Variants in PPARGC1A observed in about 807,000 individuals in gnomAD.
PPARGC1A encodes PPARG coactivator 1 alpha, also known as peroxisome proliferator-activated receptor gamma coactivator 1-alpha.
Under a neutral mutation model 88.7 loss-of-function variants are expected in PPARGC1A, and 25 were observed. The ratio of observed to expected loss-of-function variants is 0.28; its 90% confidence interval spans 0.21 to 0.39. The LOEUF (loss-of-function observed/expected upper bound fraction) is 0.39. Among genes scored for constraint, PPARGC1A ranks in the 10% least tolerant of loss-of-function variants. The probability of loss-of-function intolerance (pLI) is 1.00; values close to 1 mark genes in which losing one functional copy is unlikely to be tolerated. For synonymous variants in PPARGC1A, 363 were observed against 355.6 expected (o/e 1.02, Z -0.24); for missense variants, 880 against 968.7 (o/e 0.91, Z 1.22).
the PPARGC1A span, among the ~76,000 whole-genome samples, chr4:24,069,404 T>C: frequency 1.3e-5 from 2 of 152,222 alleles, no homozygotes; most frequent in East Asian, 1.9e-4. Flanking sequence ...AGGTTAAATA[T>C]GTGTTATTTC....
the PPARGC1A span, among the ~76,000 whole-genome samples, chr4:24,404,395 C>G: frequency 6.6e-6 from 1 of 151,972 alleles, no homozygotes; most frequent in African/African-American, 2.4e-5. Context: ...AGCAGAATAT[C>G]AGCGTACAGT....
chr4:23,979,907 C>T, the PPARGC1A span, among the ~76,000 whole-genome samples: 1 of 152,094 alleles, frequency 6.6e-6, no homozygotes, highest in Non-Finnish European at 1.5e-5. Context: ...CTCTGGAGAA[C>T]CATCCCTCTC....
At chr4:24,058,352 A>C in the PPARGC1A span, among the ~76,000 whole-genome samples, 1 of 152,230 alleles carries the variant, frequency 6.6e-6, no homozygotes, top group African/African-American at 2.4e-5. Context: ...ATGTTGGGGA[A>C]GGTTGAACTC....
At chr4:24,156,677 T>G in the PPARGC1A span, among the ~76,000 whole-genome samples, 7 of 152,056 alleles carry the variant, frequency 4.6e-5, no homozygotes, top group African/African-American at 1.7e-4. Flanking sequence ...CTCCTCTTTA[T>G]CATTCTAAAT....
chr4:24,327,996 T>G, the PPARGC1A span, among the ~76,000 whole-genome samples: 2 of 152,050 alleles, frequency 1.3e-5, no homozygotes, highest in African/African-American at 2.4e-5. Context: ...GCTCCCCCAC[T>G]GAGCACCTTG....
chr4:24,227,690 C>T, the PPARGC1A span, among the ~76,000 whole-genome samples: 1 of 152,290 alleles, frequency 6.6e-6, no homozygotes, highest in South Asian at 2.1e-4. Context: ...AGCATCCCCT[C>T]ACCTCCAACC....
At position 23,845,289 on chromosome 4, in the gene PPARGC1A, T is replaced by G. The variant is rs569975946; in HGVS notation, c.235-13538A>C. On this transcript the variant is annotated intron_variant, in intron 2 of 12. Transcript: ENST00000264867. Reference sequence around the variant, plus strand: ...CCTGTGAGTTCTCTATAAGATAGTATATTTGCTGACAAAAAGAAGTGCTTA... The same window carrying G: ...CCTGTGAGTTCTCTATAAGATAGTAGATTTGCTGACAAAAAGAAGTGCTTA... Among the ~76,000 whole-genome samples, 10 of 152,234 alleles carry G rather than the reference T, an allele frequency of 6.6e-5. No homozygotes were observed. In the South Asian group the frequency reaches 2.1e-3, roughly 32 times the overall value.
the PPARGC1A span, among the ~76,000 whole-genome samples, chr4:23,966,902 G>T: frequency 5.9e-5 from 9 of 152,094 alleles, no homozygotes; most frequent in African/African-American, 1.9e-4. Flanking sequence ...TTCTCATCAC[G>T]CCATACTGCC....
upstream of PPARGC1A, among the ~76,000 whole-genome samples, chr4:23,890,750 T>G (rs547985872): frequency 5.3e-5 from 8 of 152,164 alleles, no homozygotes; most frequent in South Asian, 1.7e-3. Context: ...GCAGTTTTCT[T>G]TGCTCCATAT....
the PPARGC1A span, among the ~76,000 whole-genome samples, chr4:24,147,030 T>G: frequency 6.6e-6 from 1 of 152,168 alleles, no homozygotes; most frequent in Non-Finnish European, 1.5e-5. Flanking sequence ...CATAAAGACT[T>G]GCTCAGTCTT....
At chr4:23,825,633 C>T (rs1255988876) in intron 5 of PPARGC1A, among the ~76,000 whole-genome samples, 3 of 151,966 alleles carry the variant, frequency 2.0e-5, no homozygotes, top group Admixed American at 2.0e-4. Flanking sequence ...TTAATCAACC[C>T]CAGCAATCAA....
the PPARGC1A span, among the ~76,000 whole-genome samples, chr4:24,350,327 T>C: frequency 6.6e-6 from 1 of 152,204 alleles, no homozygotes; most frequent in Admixed American, 6.5e-5. Context: ...GTTGGTACAT[T>C]TTGAACCAGT....
At chr4:24,197,435 G>T in the PPARGC1A span, among the ~76,000 whole-genome samples, 65 of 152,294 alleles carry the variant, frequency 4.3e-4, 1 homozygote, top group South Asian at 0.013. Context: ...CAGAGGAAAA[G>T]GGCCTCTCTC....
the PPARGC1A span, among the ~76,000 whole-genome samples, chr4:24,155,096 T>G: frequency 2.0e-5 from 3 of 149,582 alleles, no homozygotes; most frequent in Admixed American, 6.6e-5. Flanking sequence ...TGGCCTTATG[T>G]GACTTTCTCT....
chr4:24,001,090 T>C, the PPARGC1A span, among the ~76,000 whole-genome samples: 1 of 152,222 alleles, frequency 6.6e-6, no homozygotes, highest in African/African-American at 2.4e-5. Flanking sequence ...GGCATGTTTT[T>C]CTTTTTAAAA....
Position 23,812,800 on chromosome 4 carries a change from T to G in PPARGC1A, c.1966A>C (p.Lys656Gln). Residue 656 changes from lysine to glutamine, a missense_variant, in exon 10 of 13, where the codon AAG (lysine) becomes CAG (glutamine). Physicochemically the swap from Lys to Gln is moderately conservative, Grantham distance 53. Transcript: ENST00000264867. ...TGCTTGGCCCTCTCAGACTCTCGCT[T>G]CTCATACTCTCTGCGATATTCTTCC... is the stretch of plus-strand genomic sequence containing the variant. ...KREEYRREYE[K>Q]RESERAKQRE... The G allele has an allele frequency of 6.2e-7, 1 of 1,613,992 alleles. No individual in the cohort carries two copies. Among genetic ancestry groups the G allele is most frequent in the African/African-American group, 1.3e-5 (1 of 75,026 alleles).
In PPARGC1A at chr4:23,813,139, G is replaced by T; in HGVS notation, c.1794-14C>A. ...TAATAGCAGGATCTGCGCCAGAGGA[G>T]AAAAGCAAAAAGGGCATTTGCAACT... On this transcript the variant is annotated splice_polypyrimidine_tract_variant and intron_variant, in intron 8 of 12. Coordinates refer to ENST00000264867, the MANE Select transcript of PPARGC1A (RefSeq NM_013261.5). 1 of 1,609,756 alleles carries T rather than the reference G, an allele frequency of 6.2e-7. No homozygotes were observed. Among genetic ancestry groups the T allele is most frequent in the South Asian group, 1.1e-5 (1 of 90,456 alleles).
intron 7 of PPARGC1A, among the ~76,000 whole-genome samples, chr4:23,821,519 T>C (rs999316975): frequency 6.6e-6 from 1 of 151,814 alleles, no homozygotes; most frequent in African/African-American, 2.4e-5. Context: ...ACTTCATATA[T>C]GAGATTGCCA....
At chr4:23,896,138 T>C (rs1718573938) in intron 1 of PPARGC1A, among the ~76,000 whole-genome samples, 1 of 152,054 alleles carries the variant, frequency 6.6e-6, no homozygotes, top group Non-Finnish European at 1.5e-5. Context: ...TGTAAAAATA[T>C]ATCCTCAGAA....
Sources: allele counts gnomAD v4.1 joint callset (sites outside exome capture counted in the v4.1 genomes callset), GRCh38; gene constraint gnomAD v4.1.1; transcripts MANE v1.5; gene names NCBI Gene and HGNC (gene_info 2026-07-23, HGNC 2026-07-21).